CLCA2: variants seen among roughly 807,000 people sequenced by gnomAD.
CLCA2 encodes the protein chloride channel accessory 2, also known as calcium-activated chloride channel regulator 2.
Under a neutral mutation model 82.9 loss-of-function variants are expected in CLCA2, and 85 were observed. The observed-to-expected ratio is 1.03, with a 90% CI of 0.86 to 1.23. The LOEUF (loss-of-function observed/expected upper bound fraction) is 1.23, where lower values mean the gene tolerates loss of function less well. Among genes scored for constraint, CLCA2 ranks in the 50% most tolerant of loss-of-function variants. CLCA2 has a pLI of 0.00. For missense variants in CLCA2, 1,089 were observed against 1,124.8 expected (o/e 0.97, Z 0.45); for synonymous variants, 421 against 391.7 (o/e 1.07, Z -0.88).
chr1:86,445,710 A>T (rs1231372137), intron 10 of CLCA2, among the ~76,000 whole-genome samples: 1 of 107,840 alleles, frequency 9.3e-6, no homozygotes, highest in Non-Finnish European at 2.0e-5. Context: ...TAATATTAAT[A>T]GTACAGAGCA....
At chr1:86,431,036 C>G in intron 4 of CLCA2, 66 bp downstream of exon 4, 1 of 1,142,796 alleles carries the variant, frequency 8.8e-7, no homozygotes, top group South Asian at 1.4e-5. Flanking sequence ...ATAACTTAAG[C>G]AATTAAATAA....
At chr1:86,450,851 C>T (rs972211045) in intron 12 of CLCA2, 118 bp downstream of exon 12, 64 of 854,698 alleles carry the variant, frequency 7.5e-5, no homozygotes, top group East Asian at 1.1e-4. Flanking sequence ...AAACTCTTTA[C>T]GCTTAAGTCC....
Position 86,447,763 on chromosome 1 carries a change from C to T in CLCA2, c.1969C>T (p.Leu657Phe), listed in dbSNP as rs1473595203. 6.2e-7 allele frequency: 1 copy of T among 1,612,630 alleles called. No homozygotes were observed. Among genetic ancestry groups the T allele is most frequent in the African/African-American group, 1.3e-5 (1 of 74,918 alleles). The change falls in exon 11 of 14, where the codon CTT becomes TTT. Residue 657 changes from leucine (L) to phenylalanine (F), a missense_variant. Coordinates refer to ENST00000370565, the MANE Select transcript of CLCA2 (RefSeq NM_006536.7). ...ETGDPVTLRL[L>F]DDGAGADVIK... ...TGGAGATCCTGTTACGCTGAGACTC[C>T]TTGATGATGGAGCAGGTAACAAGGA... is the stretch of plus-strand genomic sequence containing the variant.
chr1:86,427,613 T>G (rs1300367706), intron 2 of CLCA2, among the ~76,000 whole-genome samples: 1 of 151,926 alleles, frequency 6.6e-6, no homozygotes, highest in East Asian at 1.9e-4. Flanking sequence ...GATAATTGTG[T>G]ATATTGGATC....
rs143721621 is a variant in CLCA2, at chr1:86,428,566, G to C, written c.473G>C (p.Arg158Pro). Residue 158 changes from arginine to proline, a missense_variant and splice_region_variant, in exon 3 of 14, where the codon CGA becomes CCA. By Grantham distance (103) the Arg-to-Pro change is moderately radical. Transcript: ENST00000370565. ...NDNLTAGYGS[R>P]GRVFVHEWAH... Reference sequence around the variant, plus strand: ...AACTTAACAGCTGGCTACGGATCACGAGGTAAGTGGGACCAATAAAACAAT... The same window carrying C: ...AACTTAACAGCTGGCTACGGATCACCAGGTAAGTGGGACCAATAAAACAAT... The C allele has an allele frequency of 1.2e-4, 191 of 1,612,552 alleles. No individual in the cohort carries two copies. Among genetic ancestry groups the C allele is most frequent in the Non-Finnish European group, 1.6e-4 (185 of 1,179,212 alleles).
chr1:86,445,047 C>A (rs1662820509), intron 10 of CLCA2, among the ~76,000 whole-genome samples: 1 of 152,126 alleles, frequency 6.6e-6, no homozygotes, highest in Non-Finnish European at 1.5e-5. Flanking sequence ...CAGGCACTTG[C>A]CACCATGCCT....
At position 86,438,957 on chromosome 1, in the gene CLCA2, GC is replaced by G. The variant is rs542273060; in HGVS notation, c.1056del (p.Ser353ValfsTer54). On this transcript the variant is annotated frameshift_variant, in exon 7 of 14. Coordinates refer to ENST00000370565, the MANE Select transcript of CLCA2 (RefSeq NM_006536.7). LOFTEE classifies it high-confidence loss of function. ...TGAAATTCATACCTTCGTGGGCATTGCCAGTTTCGACAGCAAAGGAGAGATC... is the reference window on the plus strand; with the variant it reads ...TGAAATTCATACCTTCGTGGGCATTGCAGTTTCGACAGCAAAGGAGAGATC... ...IVEIHTFVGI[A>X]SFDSKGEIRA... 1.2e-4 allele frequency: 201 copies of G among 1,613,958 alleles called. No individual in the cohort carries two copies. The highest frequency in any genetic ancestry group is 1.6e-4 in the Non-Finnish European group (194 of 1,179,996).
rs1170710854 is a variant in CLCA2, at chr1:86,440,317, G to GAATTATTA, written c.1373_1374insAATTATTA (p.Leu459IlefsTer8). The GAATTATTA allele has an allele frequency of 7.4e-6, 12 of 1,612,930 alleles. No individual in the cohort carries two copies. Among genetic ancestry groups the GAATTATTA allele is most frequent in the Admixed American group, 6.7e-5 (4 of 59,792 alleles). ...GCCCCAAATCTGGAGGAATTATCAC[G>GAATTATTA]TCTTACAGGTAATAAACTTTTAAAA... On this transcript the variant is annotated frameshift_variant, in exon 8 of 14. Transcript: ENST00000370565. LOFTEE classifies it high-confidence loss of function.
rs754176276 is a variant in CLCA2 at position 86,447,716 on chromosome 1, C to T, written c.1922C>T (p.Thr641Ile). ...TATCCCATTCTTAATGCCACTGTCA[C>T]TGCCACAGTTGAGCCAGAGACTGGA... ...GFYPILNATV[T>I]ATVEPETGDP... The change falls in exon 11 of 14, where the codon ACT becomes ATT. Residue 641 changes from threonine (T) to isoleucine (I), a missense_variant. By Grantham distance (89) the Thr-to-Ile change is moderately conservative. Transcript: ENST00000370565. 6 of 1,613,992 alleles carry T rather than the reference C, an allele frequency of 3.7e-6. No homozygotes were observed. The African/African-American group carries it at 5.3e-5, about 14-fold the overall frequency.
intron 6 of CLCA2, among the ~76,000 whole-genome samples, chr1:86,436,553 G>A (rs551915870): frequency 6.6e-6 from 1 of 152,328 alleles, no homozygotes; most frequent in East Asian, 1.9e-4. Context: ...TGTCCAAGGA[G>A]AGAATTTATC....
rs1268219056 is a variant in CLCA2 at position 86,443,848 on chromosome 1, A to G, written c.1550A>G (p.Asp517Gly). ...CAATTGAAAAACACAGTGACTGTGGATAATACTGTGGGCAACGACACTATG... is the reference window on the plus strand; with the variant it reads ...CAATTGAAAAACACAGTGACTGTGGGTAATACTGTGGGCAACGACACTATG... ...HHQLKNTVTV[D>G]NTVGNDTMFL... The change falls in exon 10 of 14, where the codon GAT (aspartate) becomes GGT (glycine). Residue 517 changes from aspartate to glycine, a missense_variant. Physicochemically the swap from Asp to Gly is moderately conservative, Grantham distance 94 (BLOSUM62 -1). Coordinates refer to ENST00000370565, the MANE Select transcript of CLCA2 (RefSeq NM_006536.7). The G allele has an allele frequency of 6.2e-7, 1 of 1,614,118 alleles. No individual in the cohort carries two copies. The highest frequency in any genetic ancestry group is 1.1e-5 in the South Asian group (1 of 91,090).
chr1:86,454,744 A>G (rs1396281620), intron 13 of CLCA2, among the ~76,000 whole-genome samples: 1 of 152,204 alleles, frequency 6.6e-6, no homozygotes, highest in Admixed American at 6.5e-5. Flanking sequence ...GTGAGCCAAG[A>G]TGGCGCCACT....
chr1:86,426,527 G>T (rs1383495161), intron 2 of CLCA2, among the ~76,000 whole-genome samples: 1 of 152,168 alleles, frequency 6.6e-6, no homozygotes, highest in African/African-American at 2.4e-5. Flanking sequence ...GAGAATGCTT[G>T]CACATGAAGA....
At chr1:86,444,832 G>C (rs1488271086) in intron 10 of CLCA2, among the ~76,000 whole-genome samples, 2 of 152,118 alleles carry the variant, frequency 1.3e-5, no homozygotes, top group Non-Finnish European at 2.9e-5. Flanking sequence ...ATTCACTCTT[G>C]CACTGCCTGA....
At chr1:86,452,078 A>G (rs1570268499) in intron 12 of CLCA2, among the ~76,000 whole-genome samples, 1 of 146,662 alleles carries the variant, frequency 6.8e-6, no homozygotes, top group African/African-American at 2.5e-5. Context: ...CTTGAATTAG[A>G]TGTTTTACAG....
intron 9 of CLCA2, among the ~76,000 whole-genome samples, chr1:86,442,891 A>G (rs1488898677): frequency 1.3e-5 from 2 of 152,344 alleles, no homozygotes; most frequent in African/African-American, 4.8e-5. Context: ...GTGGATAACA[A>G]TAGTATTTAT....
In CLCA2 at chr1:86,438,872, A is replaced by G. The variant is rs756343122; in HGVS notation, c.973-4A>G. 1.9e-6 allele frequency: 3 copies of G among 1,613,394 alleles called. No homozygotes were observed. The highest frequency in any genetic ancestry group is 2.2e-5 in the South Asian group (2 of 91,060). ...CATTTTCTTTTTTCCTTTTTGGGACATAGGCTGACAGACTCCTTCAACTAC... is the reference window on the plus strand; with the variant it reads ...CATTTTCTTTTTTCCTTTTTGGGACGTAGGCTGACAGACTCCTTCAACTAC... On this transcript the variant is annotated splice_region_variant and splice_polypyrimidine_tract_variant and intron_variant, in intron 6 of 13. Coordinates refer to ENST00000370565, the MANE Select transcript of CLCA2 (RefSeq NM_006536.7).
chr1:86,449,147 G>A (rs55857485), intron 11 of CLCA2, among the ~76,000 whole-genome samples: 20,739 of 152,246 alleles, frequency 0.14, 1,763 homozygotes, highest in Admixed American at 0.22. Context: ...TATAATGGAA[G>A]CAGTATTTAT....
chr1:86,456,201 A>G lies in CLCA2; in HGVS notation c.*674A>G, dbSNP rs985764927. 1 of 152,182 alleles carries G rather than the reference A, an allele frequency of 6.6e-6. No individual in the cohort carries two copies. Among genetic ancestry groups the G allele is most frequent in the African/African-American group, 2.4e-5 (1 of 41,452 alleles). 9.4% of individuals were successfully genotyped at this position (152,182 alleles called of 1,614,324 possible). A position where few individuals can be genotyped will look rare whatever the true frequency, so the allele number is the denominator to read the frequency against. On this transcript the variant is annotated 3_prime_UTR_variant, in exon 14 of 14. Transcript: ENST00000370565. Reference sequence around the variant, plus strand: ...TCCCATCAAAGCAGCTTTCTAAGTTATTGCCTTGGTTATTATGGATGATAG... The same window carrying G: ...TCCCATCAAAGCAGCTTTCTAAGTTGTTGCCTTGGTTATTATGGATGATAG...
Sources: allele counts gnomAD v4.1 joint callset (sites outside exome capture counted in the v4.1 genomes callset), GRCh38; gene constraint gnomAD v4.1.1; transcripts MANE v1.5; gene names NCBI Gene and HGNC (gene_info 2026-07-23, HGNC 2026-07-21).